Variants in NAPB observed in about 807,000 individuals in gnomAD.
NAPB encodes the protein beta-soluble NSF attachment protein.
NAPB carries 26 observed loss-of-function variants against 44.7 expected under a neutral mutation model. The observed-to-expected ratio is 0.58, with a 90% CI of 0.43 to 0.81. The LOEUF (loss-of-function observed/expected upper bound fraction) is 0.81, where lower values mean the gene tolerates loss of function less well. Among genes scored for constraint, NAPB ranks in the 30% least tolerant of loss-of-function variants. The probability of loss-of-function intolerance (pLI) is 0.00; values close to 1 mark genes in which losing one functional copy is unlikely to be tolerated. For synonymous variants in NAPB, 120 were observed against 116.8 expected (o/e 1.03, Z -0.18); for missense variants, 315 against 356.4 (o/e 0.88, Z 0.94).
intron 1 of NAPB, among the ~76,000 whole-genome samples, chr20:23,403,359 T>C (rs1246071895): frequency 6.6e-6 from 1 of 152,074 alleles, no homozygotes; most frequent in African/African-American, 2.4e-5. Context: ...TCCCAGAACT[T>C]TGGGAGGCCA....
At chr20:23,401,805 CCA>C (rs1267681833) in intron 2 of NAPB, among the ~76,000 whole-genome samples, 2 of 152,148 alleles carry the variant, frequency 1.3e-5, no homozygotes, top group African/African-American at 4.8e-5. Flanking sequence ...CGCTTGAGCC[CCA>C]GAGGCAGAGA....
chr20:23,383,459 G>A (rs985620026), intron 7 of NAPB, among the ~76,000 whole-genome samples: 1 of 152,158 alleles, frequency 6.6e-6, no homozygotes, highest in Admixed American at 6.5e-5. Flanking sequence ...GCTCATGCCT[G>A]TAATCCCAGC....
chr20:23,418,466 G>C (rs144062525), intron 1 of NAPB, among the ~76,000 whole-genome samples: 7 of 152,246 alleles, frequency 4.6e-5, no homozygotes, highest in Admixed American at 1.3e-4. Flanking sequence ...GGAACACTAC[G>C]TCTGTTTTCT....
intron 7 of NAPB, among the ~76,000 whole-genome samples, chr20:23,389,399 T>G (rs549513880): frequency 1.6e-4 from 25 of 152,308 alleles, no homozygotes; most frequent in African/African-American, 6.0e-4. Flanking sequence ...GCAACTGCAA[T>G]TCTATTCCCA....
rs1982981089 is a variant in NAPB, at chr20:23,381,244, C to A, written c.635G>T (p.Cys212Phe). ...AKDYFFKAAL[C>F]HFIVDELNAK... is the part of the protein sequence containing the mutation. Reference sequence around the variant, plus strand: ...ATTCAACTCGTCTACTATGAAGTGGCAGAGGGCAGCTTTGAAGAAGTAATC... The same window carrying A: ...ATTCAACTCGTCTACTATGAAGTGGAAGAGGGCAGCTTTGAAGAAGTAATC... Residue 212 changes from cysteine (C) to phenylalanine (F), a missense_variant, in exon 8 of 11, where the codon TGC becomes TTC. This residue lies in a region of NAPB where 120 missense variants were observed against 130.5 expected (regional missense o/e 0.92). Coordinates refer to ENST00000377026, the MANE Select transcript of NAPB (RefSeq NM_022080.3). 6.2e-7 allele frequency: 1 copy of A among 1,613,210 alleles called. No homozygotes were observed. Among genetic ancestry groups the A allele is most frequent in the Non-Finnish European group, 8.5e-7 (1 of 1,179,670 alleles).
In NAPB at chr20:23,419,658, GGAGT is replaced by G. The variant is rs1342735106; in HGVS notation, c.98+1643_98+1646del. 2.6e-5 allele frequency among the ~76,000 whole-genome samples: 4 copies of G among 152,190 alleles called. No homozygotes were observed. The South Asian group carries it at 6.2e-4, about 24-fold the overall frequency. ...GTTTTGTGAATCAAAACATTTAAAA[GGAGT>G]TAGTGTGGCGCTAGCACTTGATGGT... On this transcript the variant is annotated intron_variant, in intron 1 of 10. Coordinates refer to ENST00000377026, the MANE Select transcript of NAPB (RefSeq NM_022080.3).
In NAPB at chr20:23,374,635, T is replaced by C. The variant is rs1314801187; in HGVS notation, c.*2741A>G. 2 of 152,126 alleles carry C rather than the reference T, an allele frequency of 1.3e-5. No homozygotes were observed. Among genetic ancestry groups the C allele is most frequent in the Admixed American group, 1.3e-4 (2 of 15,280 alleles). 9.4% of individuals were successfully genotyped at this position (152,126 alleles called of 1,614,324 possible). A position where few individuals can be genotyped will look rare whatever the true frequency, so the allele number is the denominator to read the frequency against. ...CAGGAAGCCTGCTCTTGGTCATAGC[T>C]CATACCACAGCAGGCAGGTCACGGG... On this transcript the variant is annotated 3_prime_UTR_variant, in exon 11 of 11. Transcript: ENST00000377026.
intron 1 of NAPB, among the ~76,000 whole-genome samples, chr20:23,419,900 T>C (rs1473727719): frequency 1.3e-5 from 2 of 152,240 alleles, no homozygotes; most frequent in African/African-American, 4.8e-5. Flanking sequence ...CCTAAAGACG[T>C]ATCAATAGCG....
chr20:23,419,784 C>T (rs1986257586), intron 1 of NAPB, among the ~76,000 whole-genome samples: 2 of 152,350 alleles, frequency 1.3e-5, no homozygotes, highest in South Asian at 2.1e-4. Flanking sequence ...GATAAACGTC[C>T]TCTGAGAGGT....
Position 23,395,765 on chromosome 20 carries a change from A to T in NAPB, c.296-580T>A, listed in dbSNP as rs376516971. ...CAAAATGAAGAAACAAATCTAATAA[A>T]TAATAATGCTAATAAATTTTACTAA... On this transcript the variant is annotated intron_variant, in intron 3 of 10. Transcript: ENST00000377026. 4.6e-5 allele frequency among the ~76,000 whole-genome samples: 7 copies of T among 152,358 alleles called. No homozygotes were observed. In the East Asian group the frequency reaches 1.2e-3, roughly 25 times the overall value.
At chr20:23,405,405 G>T (rs1038208434) in intron 1 of NAPB, among the ~76,000 whole-genome samples, 1 of 152,028 alleles carries the variant, frequency 6.6e-6, no homozygotes, top group South Asian at 2.1e-4. Flanking sequence ...GTATGCAACT[G>T]TTCACAGCAG....
chr20:23,405,351 G>C (rs1214357990), intron 1 of NAPB, among the ~76,000 whole-genome samples: 2 of 152,028 alleles, frequency 1.3e-5, no homozygotes, highest in African/African-American at 4.8e-5. Context: ...GAATGAAAGA[G>C]AGAGATAAAG....
At chr20:23,401,180 C>G (rs1371985930) in intron 2 of NAPB, among the ~76,000 whole-genome samples, 6 of 152,010 alleles carry the variant, frequency 3.9e-5, no homozygotes, top group Admixed American at 6.6e-5. Flanking sequence ...GCTGGGTGCA[C>G]AAGGAAGGGG....
intron 3 of NAPB, among the ~76,000 whole-genome samples, 200 bp from the exon 4 acceptor site, chr20:23,395,385 G>C (rs1984280961): frequency 6.6e-6 from 1 of 152,164 alleles, no homozygotes; most frequent in Non-Finnish European, 1.5e-5. Context: ...AGCAGCTATA[G>C]TATAATTTAG....
intron 2 of NAPB, 44 bp from the exon 3 acceptor site, chr20:23,397,232 C>CA (rs754005414): frequency 1.3e-6 from 2 of 1,575,546 alleles, no homozygotes; most frequent in Non-Finnish European, 1.7e-6. Flanking sequence ...CAAGTCCCCC[C>CA]CAGAGCAGCC....
intron 1 of NAPB, among the ~76,000 whole-genome samples, chr20:23,409,388 GA>G (rs1985487140): frequency 6.6e-6 from 1 of 152,162 alleles, no homozygotes; most frequent in South Asian, 2.1e-4. Flanking sequence ...GTATAACAAA[GA>G]AAACTAGTTA....
intron 2 of NAPB, among the ~76,000 whole-genome samples, chr20:23,399,576 AG>A (rs1183275329): frequency 6.6e-6 from 1 of 152,240 alleles, no homozygotes; most frequent in Non-Finnish European, 1.5e-5. Flanking sequence ...GAAGAAACCA[AG>A]GCACTGAACA....
intron 2 of NAPB, among the ~76,000 whole-genome samples, chr20:23,400,370 G>C (rs1984742445): frequency 6.6e-6 from 1 of 152,118 alleles, no homozygotes; most frequent in African/African-American, 2.4e-5. Flanking sequence ...TACAAAATTA[G>C]CTGGGCGTGG....
Position 23,381,227 on chromosome 20 carries a change from C to T in NAPB, c.652G>A (p.Glu218Lys). Reference protein sequence around the residue: ...KAALCHFIVDELNAKLALEKY... With the variant: ...KAALCHFIVDKLNAKLALEKY... ...GAACTCCTTACCTTGGCATTCAACTCGTCTACTATGAAGTGGCAGAGGGCA... is the reference window on the plus strand; with the variant it reads ...GAACTCCTTACCTTGGCATTCAACTTGTCTACTATGAAGTGGCAGAGGGCA... Residue 218 changes from glutamate (E) to lysine (K), a missense_variant, in exon 8 of 11, where the codon GAG becomes AAG. Glu to Lys is a moderately conservative substitution (Grantham distance 56). Around this residue, in one of 3 missense-constraint regions of NAPB, gnomAD observed 120 missense variants for 130.5 expected, o/e 0.92. Transcript: ENST00000377026. 6 of 1,612,902 alleles carry T rather than the reference C, an allele frequency of 3.7e-6. No individual in the cohort carries two copies. The highest frequency in any genetic ancestry group is 2.2e-5 in the South Asian group (2 of 91,038).
Sources: gnomAD v4.1 joint callset for allele counts (sites outside exome capture counted in the v4.1 genomes callset) on GRCh38, gnomAD v4.1.1 for gene constraint, gnomAD v4.1.1 regional missense constraint, MANE v1.5 for transcripts, NCBI Gene and HGNC (gene_info 2026-07-23, HGNC 2026-07-21) for gene names.